Variants in TTC28 observed in about 807,000 individuals in gnomAD.
TTC28 encodes tetratricopeptide repeat domain 28, also known as tetratricopeptide repeat protein 28.
TTC28 carries 61 observed loss-of-function variants against 198.0 expected under a neutral mutation model. That is an observed-to-expected ratio of 0.31 (90% confidence interval 0.25 to 0.38). TTC28 has a LOEUF of 0.38. Ranked by LOEUF, TTC28 falls within the 10% of genes least tolerant of loss-of-function variation. The pLI, the probability that TTC28 is intolerant of heterozygous loss-of-function variation, is 1.00. For missense variants in TTC28, 2,678 were observed against 3,164.0 expected (o/e 0.85, Z 3.69); for synonymous variants, 1,171 against 1,297.8 (o/e 0.90, Z 2.10).
intron 2 of TTC28, among the ~76,000 whole-genome samples, chr22:28,310,802 G>GT (rs2045242708): frequency 7.0e-6 from 1 of 143,848 alleles, no homozygotes; most frequent in African/African-American, 2.6e-5. Flanking sequence ...TTTTTTTTGA[G>GT]ACAGAGTCTT....
chr22:28,509,053 C>A (rs1223641242), intron 2 of TTC28, among the ~76,000 whole-genome samples: 1 of 151,912 alleles, frequency 6.6e-6, no homozygotes, highest in East Asian at 1.9e-4. Flanking sequence ...TAGCTGAGCA[C>A]AGTGGCATGT....
chr22:28,337,097 A>C (rs1251767251), intron 2 of TTC28, among the ~76,000 whole-genome samples: 1 of 152,036 alleles, frequency 6.6e-6, no homozygotes, highest in Non-Finnish European at 1.5e-5. Flanking sequence ...TTCGTTATGT[A>C]CCCAGTAGTC....
intron 1 of TTC28, among the ~76,000 whole-genome samples, chr22:28,671,255 T>C (rs2051876413): frequency 6.6e-6 from 1 of 152,142 alleles, no homozygotes; most frequent in Non-Finnish European, 1.5e-5. Context: ...TGTTTATTTT[T>C]AAATTCGGTT....
intron 5 of TTC28, among the ~76,000 whole-genome samples, chr22:28,221,018 T>A (rs1927811951): frequency 6.6e-6 from 1 of 151,936 alleles, no homozygotes; most frequent in Non-Finnish European, 1.5e-5. Flanking sequence ...GATAAAGAAG[T>A]CTGATTTGGT....
chr22:28,560,403 C>T (rs1281069183), intron 2 of TTC28, among the ~76,000 whole-genome samples: 1 of 152,154 alleles, frequency 6.6e-6, no homozygotes, highest in Non-Finnish European at 1.5e-5. Flanking sequence ...TCAAAACTTT[C>T]CAATGGCTTC....
intron 6 of TTC28, among the ~76,000 whole-genome samples, chr22:28,126,724 G>A (rs1942922242): frequency 1.3e-5 from 2 of 152,224 alleles, no homozygotes; most frequent in Non-Finnish European, 2.9e-5. Context: ...GATGTCCTGA[G>A]AAGTATGTGT....
intron 2 of TTC28, among the ~76,000 whole-genome samples, chr22:28,480,853 C>CA (rs2048237343): frequency 6.6e-6 from 1 of 152,094 alleles, no homozygotes; most frequent in African/African-American, 2.4e-5. Flanking sequence ...TTTCTATTTT[C>CA]AAAATCATTA....
intron 2 of TTC28, among the ~76,000 whole-genome samples, chr22:28,364,191 T>G (rs1210652758): frequency 6.6e-6 from 1 of 152,208 alleles, no homozygotes; most frequent in South Asian, 2.1e-4. Flanking sequence ...AAGTCTTTCC[T>G]GTGCTGTTCT....
At chr22:28,032,231 A>G (rs1355260345) in intron 12 of TTC28, among the ~76,000 whole-genome samples, 2 of 130,318 alleles carry the variant, frequency 1.5e-5, no homozygotes, top group African/African-American at 6.2e-5. Flanking sequence ...ATATATATAT[A>G]TAAAATATAT....
chr22:28,409,739 C>A (rs1450459113), intron 2 of TTC28, among the ~76,000 whole-genome samples: 1 of 150,990 alleles, frequency 6.6e-6, no homozygotes, highest in East Asian at 1.9e-4. Flanking sequence ...TCAGCGCAAC[C>A]TCCGCCTCCC....
intron 15 of TTC28, chr22:28,000,407 G>A (rs1401838715): frequency 6.6e-6 from 1 of 152,348 alleles, no homozygotes; most frequent in African/African-American, 2.4e-5. Flanking sequence ...CCCCGCCTAT[G>A]CTTTCCGCCA....
intron 12 of TTC28, among the ~76,000 whole-genome samples, chr22:28,032,599 G>A (rs1227444738): frequency 6.6e-6 from 1 of 152,078 alleles, no homozygotes; most frequent in South Asian, 2.1e-4. Flanking sequence ...TGACAACTCT[G>A]TGAGGTAGCT....
intron 2 of TTC28, among the ~76,000 whole-genome samples, chr22:28,433,864 A>G (rs1166211466): frequency 6.6e-6 from 1 of 152,248 alleles, no homozygotes; most frequent in Non-Finnish European, 1.5e-5. Flanking sequence ...GGGAAACTAT[A>G]GTGGCATTTA....
intron 9 of TTC28, 127 bp downstream of exon 9, chr22:28,101,044 C>G (rs1302638364): frequency 3.1e-6 from 2 of 646,300 alleles, no homozygotes; most frequent in Non-Finnish European, 5.1e-6. Flanking sequence ...GGCGGGAAAT[C>G]ATACACATTA....
chr22:28,579,573 ATG>A (rs961735462), intron 2 of TTC28, among the ~76,000 whole-genome samples: 3 of 144,752 alleles, frequency 2.1e-5, no homozygotes, highest in African/African-American at 5.2e-5. Flanking sequence ...ATACAAATGC[ATG>A]TGTGTGTATA....
intron 2 of TTC28, among the ~76,000 whole-genome samples, chr22:28,348,998 C>T (rs2045950178): frequency 6.6e-6 from 1 of 152,098 alleles, no homozygotes; most frequent in South Asian, 2.1e-4. Flanking sequence ...CACACAGTGC[C>T]CTGACAAAAA....
intron 8 of TTC28, among the ~76,000 whole-genome samples, chr22:28,101,601 T>C (rs911673192): frequency 3.3e-5 from 5 of 151,752 alleles, no homozygotes; most frequent in Non-Finnish European, 7.4e-5. Context: ...TCCACCCACC[T>C]CAAGTGATCC....
intron 2 of TTC28, among the ~76,000 whole-genome samples, chr22:28,351,242 A>G (rs1195560351): frequency 6.6e-6 from 1 of 152,182 alleles, no homozygotes. Flanking sequence ...AACACTGCAC[A>G]TAGAGAGCAT....
chr22:28,080,624 T>A (rs371983418), intron 12 of TTC28, among the ~76,000 whole-genome samples: 1 of 152,182 alleles, frequency 6.6e-6, no homozygotes, highest in Non-Finnish European at 1.5e-5. Context: ...ATTTCTCCCA[T>A]TCATAGGCTG....
Sources: gnomAD v4.1 joint callset for allele counts (sites outside exome capture counted in the v4.1 genomes callset) on GRCh38, gnomAD v4.1.1 for gene constraint, MANE v1.5 for transcripts, NCBI Gene and HGNC (gene_info 2026-07-23, HGNC 2026-07-21) for gene names.